SPOCK3: variants seen among roughly 807,000 people sequenced by gnomAD.
SPOCK3 encodes the protein SPARC (osteonectin), cwcv and kazal like domains proteoglycan 3.
In SPOCK3, 30 loss-of-function variants were observed where a neutral mutation model predicts 56.6. The ratio of observed to expected loss-of-function variants is 0.53; its 90% confidence interval spans 0.40 to 0.72. The LOEUF (loss-of-function observed/expected upper bound fraction) is 0.72. SPOCK3 is among the 30% of genes least tolerant of loss of function. The pLI is 0.00. For synonymous variants in SPOCK3, 196 were observed against 183.3 expected (o/e 1.07, Z -0.56); for missense variants, 527 against 530.0 (o/e 0.99, Z 0.06).
intron 8 of SPOCK3, among the ~76,000 whole-genome samples, chr4:166,742,789 AAGG>A (rs1292019788): frequency 6.6e-6 from 1 of 152,150 alleles, no homozygotes; most frequent in Admixed American, 6.5e-5. Context: ...CAACCACTTG[AAGG>A]AGGACGTTCG....
chr4:167,101,113 T>G (rs1403749583), intron 2 of SPOCK3, among the ~76,000 whole-genome samples: 3 of 152,160 alleles, frequency 2.0e-5, no homozygotes, highest in Non-Finnish European at 4.4e-5. Context: ...CTGCTTTCCC[T>G]AATGTTCTCT....
chr4:166,953,858 T>A (rs913495411), intron 4 of SPOCK3, among the ~76,000 whole-genome samples: 4 of 152,092 alleles, frequency 2.6e-5, no homozygotes, highest in African/African-American at 9.7e-5. Flanking sequence ...CACCGCATAT[T>A]CTCACTCACA....
At chr4:167,212,711 C>T (rs933336754) in intron 2 of SPOCK3, among the ~76,000 whole-genome samples, 3 of 152,152 alleles carry the variant, frequency 2.0e-5, no homozygotes, top group Non-Finnish European at 2.9e-5. Context: ...CCAAGGGACA[C>T]ATTTCTCCAC....
intron 7 of SPOCK3, among the ~76,000 whole-genome samples, chr4:166,771,842 T>C (rs1333442408): frequency 1.3e-5 from 2 of 152,100 alleles, no homozygotes; most frequent in Non-Finnish European, 2.9e-5. Flanking sequence ...ACATGGTACA[T>C]CATAAAATTA....
intron 2 of SPOCK3, among the ~76,000 whole-genome samples, chr4:167,129,316 T>C (rs1157134565): frequency 1.3e-5 from 2 of 152,238 alleles, no homozygotes; most frequent in Non-Finnish European, 2.9e-5. Flanking sequence ...ATCAGATACC[T>C]GGCTTAAGTG....
At chr4:167,012,060 A>T in intron 3 of SPOCK3, among the ~76,000 whole-genome samples, 1 of 152,002 alleles carries the variant, frequency 6.6e-6, no homozygotes, top group African/African-American at 2.4e-5. Context: ...TGAATAAATT[A>T]AAAAACTGAA....
intron 6 of SPOCK3, among the ~76,000 whole-genome samples, chr4:166,822,347 A>G (rs1441194889): frequency 6.6e-6 from 1 of 152,090 alleles, no homozygotes; most frequent in East Asian, 1.9e-4. Context: ...TTTGTCACAC[A>G]GAGTCATTAT....
chr4:166,835,183 A>G (rs1002805114), intron 6 of SPOCK3, among the ~76,000 whole-genome samples: 1 of 152,250 alleles, frequency 6.6e-6, no homozygotes, highest in Non-Finnish European at 1.5e-5. Context: ...CTAATTGGCT[A>G]TACTGACTTA....
chr4:167,168,214 G>A (rs1276064349), intron 2 of SPOCK3, among the ~76,000 whole-genome samples: 1 of 152,112 alleles, frequency 6.6e-6, no homozygotes, highest in Non-Finnish European at 1.5e-5. Context: ...ATTGGTACTG[G>A]TAGAGTGCGG....
chr4:166,841,694 A>G (rs576059423), intron 6 of SPOCK3, among the ~76,000 whole-genome samples: 5 of 152,196 alleles, frequency 3.3e-5, no homozygotes, highest in Admixed American at 1.3e-4. Flanking sequence ...TAATATTACA[A>G]ATCTTCCCCT....
chr4:166,794,738 G>A (rs1342719272), intron 6 of SPOCK3, among the ~76,000 whole-genome samples: 1 of 150,360 alleles, frequency 6.7e-6, no homozygotes, highest in South Asian at 2.1e-4. Context: ...TGCCTTTCGG[G>A]TTCAAGAGAT....
intron 2 of SPOCK3, among the ~76,000 whole-genome samples, chr4:167,188,374 C>T (rs1305964065): frequency 1.4e-5 from 2 of 145,786 alleles, no homozygotes; most frequent in Non-Finnish European, 3.0e-5. Context: ...GAGGTCACTA[C>T]TGATAAATGA....
intron 4 of SPOCK3, among the ~76,000 whole-genome samples, chr4:166,937,932 CTCT>C (rs1740628139): frequency 1.2e-5 from 1 of 82,302 alleles, no homozygotes; most frequent in South Asian, 5.2e-4. Context: ...CCCGGCTAAT[CTCT>C]TTTTTTTTTT....
At chr4:166,852,228 C>T in intron 6 of SPOCK3, among the ~76,000 whole-genome samples, 1 of 151,904 alleles carries the variant, frequency 6.6e-6, no homozygotes, top group South Asian at 2.1e-4. Context: ...AGCACACCAG[C>T]ATGGCACATG....
intron 4 of SPOCK3, among the ~76,000 whole-genome samples, chr4:166,933,204 AATG>A (rs879386929): frequency 2.6e-5 from 4 of 152,216 alleles, no homozygotes; most frequent in Non-Finnish European, 5.9e-5. Flanking sequence ...AGCTTTTTCA[AATG>A]ATAATCTAAT....
chr4:167,034,584 A>T (rs184711098), intron 3 of SPOCK3, among the ~76,000 whole-genome samples: 1 of 152,232 alleles, frequency 6.6e-6, no homozygotes, highest in African/African-American at 2.4e-5. Context: ...GACTTAAGTC[A>T]TGTTCTGTGA....
Position 167,214,453 on chromosome 4 carries a change from G to A in SPOCK3, c.189+19532C>T, listed in dbSNP as rs949579792. Among the ~76,000 whole-genome samples, 4 of 152,008 alleles carry A rather than the reference G, an allele frequency of 2.6e-5. No homozygotes were observed. In the East Asian group the frequency reaches 7.7e-4, roughly 29 times the overall value. On this transcript the variant is annotated intron_variant, in intron 2 of 10. Transcript: ENST00000357545. ...AATTATGATTTCAATTTTGTTTGGG[G>A]TACTAAAAACACTGTCATTTTTAAA...
intron 3 of SPOCK3, among the ~76,000 whole-genome samples, chr4:167,015,280 CTGG>C (rs1750510515): frequency 2.0e-5 from 3 of 152,100 alleles, no homozygotes; most frequent in Non-Finnish European, 4.4e-5. Context: ...GGTTTCACTA[CTGG>C]AATCTAAATA....
chr4:167,091,177 C>A (rs1323773276), intron 2 of SPOCK3, among the ~76,000 whole-genome samples: 1 of 152,086 alleles, frequency 6.6e-6, no homozygotes, highest in African/African-American at 2.4e-5. Flanking sequence ...CTCTGACCAC[C>A]TTTGGGCTTA....
Sources: allele counts gnomAD v4.1 joint callset (sites outside exome capture counted in the v4.1 genomes callset), GRCh38; gene constraint gnomAD v4.1.1; transcripts MANE v1.5; gene names NCBI Gene and HGNC (gene_info 2026-07-23, HGNC 2026-07-21).